ATOSA: variants seen among roughly 807,000 people sequenced by gnomAD.
ATOSA encodes atos homolog A.
chr15:52,584,864 C>G, the ATOSA span: 1 of 1,613,334 alleles, frequency 6.2e-7, no homozygotes, highest in African/African-American at 1.3e-5. Context: ...GTAGGAATGT[C>G]TGATGATTGG....
At chr15:52,679,665 G>C in the ATOSA span, among the ~76,000 whole-genome samples, 50 of 152,188 alleles carry the variant, frequency 3.3e-4, no homozygotes, top group African/African-American at 1.2e-3. Context: ...CTGAGACCAG[G>C]AATCGGAGCT....
At chr15:52,616,094 G>C in the ATOSA span, among the ~76,000 whole-genome samples, 1 of 152,302 alleles carries the variant, frequency 6.6e-6, no homozygotes, top group South Asian at 2.1e-4. Context: ...TCTCAGAGTA[G>C]TAGACACAAC....
the ATOSA span, among the ~76,000 whole-genome samples, chr15:52,627,188 CT>C: frequency 6.6e-6 from 1 of 152,094 alleles, no homozygotes; most frequent in African/African-American, 2.4e-5. Flanking sequence ...AAAAGAAGGG[CT>C]GTGAATGAGT....
At chr15:52,618,155 C>T in the ATOSA span, among the ~76,000 whole-genome samples, 1 of 152,166 alleles carries the variant, frequency 6.6e-6, no homozygotes, top group African/African-American at 2.4e-5. Context: ...TCTCCTGCCT[C>T]AGCCTCCTGA....
the ATOSA span, chr15:52,611,588 G>C: frequency 1.2e-5 from 19 of 1,613,918 alleles, no homozygotes; most frequent in Non-Finnish European, 1.4e-5. Context: ...CGAGGAACTG[G>C]CTCCAAGATC....
the ATOSA span, among the ~76,000 whole-genome samples, chr15:52,611,985 A>G: frequency 1.4e-4 from 21 of 152,058 alleles, no homozygotes; most frequent in African/African-American, 5.1e-4. Flanking sequence ...AGTAATGAAC[A>G]TTTATTTTAT....
chr15:52,622,872 C>T, the ATOSA span, among the ~76,000 whole-genome samples: 4 of 151,872 alleles, frequency 2.6e-5, no homozygotes, highest in African/African-American at 9.7e-5. Flanking sequence ...CCCGTAATCC[C>T]AACACTTTGG....
chr15:52,616,384 G>T, the ATOSA span, among the ~76,000 whole-genome samples: 2 of 152,218 alleles, frequency 1.3e-5, no homozygotes, highest in Admixed American at 1.3e-4. Context: ...ATCACATAGA[G>T]CAAGATTTTA....
chr15:52,597,541 GACT>G, the ATOSA span, among the ~76,000 whole-genome samples: 2 of 152,170 alleles, frequency 1.3e-5, no homozygotes, highest in Non-Finnish European at 2.9e-5. Flanking sequence ...AATACTGTGT[GACT>G]ACATTTATAT....
chr15:52,705,753 A>G, the ATOSA span, among the ~76,000 whole-genome samples: 23,223 of 152,154 alleles, frequency 0.15, 1,807 homozygotes, highest in East Asian at 0.23. Flanking sequence ...CAACACCCCC[A>G]GCCCCACCAT....
At chr15:52,582,139 A>C in the ATOSA span, 1 of 1,547,902 alleles carries the variant, frequency 6.5e-7, no homozygotes, top group Non-Finnish European at 8.6e-7. Context: ...AAATACTTTA[A>C]ATCATCACTC....
At chr15:52,591,758 A>G in the ATOSA span, among the ~76,000 whole-genome samples, 2 of 152,224 alleles carry the variant, frequency 1.3e-5, no homozygotes, top group African/African-American at 2.4e-5. Context: ...GTCCAAAATT[A>G]GCAGTTATTT....
chr15:52,675,704 C>A, the ATOSA span, among the ~76,000 whole-genome samples: 23 of 152,108 alleles, frequency 1.5e-4, no homozygotes, highest in African/African-American at 5.1e-4. Flanking sequence ...CTCAGGAGAT[C>A]GAGACTATCC....
chr15:52,647,340 T>A, the ATOSA span, among the ~76,000 whole-genome samples: 1 of 152,124 alleles, frequency 6.6e-6, no homozygotes, highest in African/African-American at 2.4e-5. Flanking sequence ...ATATGTCAGC[T>A]CAAAGCAATG....
chr15:52,617,144 C>T, the ATOSA span, among the ~76,000 whole-genome samples: 3 of 152,224 alleles, frequency 2.0e-5, no homozygotes, highest in Middle Eastern at 3.4e-3. Flanking sequence ...GGAAATAAGG[C>T]TTTTAGGAGG....
the ATOSA span, among the ~76,000 whole-genome samples, chr15:52,654,781 T>C: frequency 6.6e-6 from 1 of 152,124 alleles, no homozygotes; most frequent in South Asian, 2.1e-4. Flanking sequence ...GCAGAAATAA[T>C]TGAGATCTAC....
chr15:52,662,474 AAAC>A, the ATOSA span, among the ~76,000 whole-genome samples: 18 of 152,322 alleles, frequency 1.2e-4, no homozygotes, highest in African/African-American at 4.1e-4. Context: ...GAGTATTATA[AAAC>A]AACAGACATA....
the ATOSA span, among the ~76,000 whole-genome samples, chr15:52,643,155 A>C: frequency 6.6e-6 from 1 of 152,166 alleles, no homozygotes; most frequent in Non-Finnish European, 1.5e-5. Flanking sequence ...CCATGAAAAA[A>C]TTTTGTGGTC....
the ATOSA span, among the ~76,000 whole-genome samples, chr15:52,633,249 G>C: frequency 6.6e-6 from 1 of 152,190 alleles, no homozygotes; most frequent in African/African-American, 2.4e-5. Context: ...CACAAGGCTG[G>C]TGGGGTGGCT....
Sources: allele counts gnomAD v4.1 joint callset (sites outside exome capture counted in the v4.1 genomes callset), GRCh38; gene constraint gnomAD v4.1.1; transcripts MANE v1.5; gene names NCBI Gene and HGNC (gene_info 2026-07-23, HGNC 2026-07-21).